The following TBC1D5 variants were observed in gnomAD, a reference collection of about 807,000 sequenced individuals.
TBC1D5 encodes the protein TBC1 domain family, member 5.
In TBC1D5, 75 loss-of-function variants were observed where a neutral mutation model predicts 100.3. That is an observed-to-expected ratio of 0.75 (90% CI 0.62 to 0.91). The LOEUF (loss-of-function observed/expected upper bound fraction) is 0.91. TBC1D5 is among the 40% of genes least tolerant of loss of function. The pLI is 0.00. For missense variants in TBC1D5, 910 were observed against 942.4 expected (o/e 0.97, Z 0.45); for synonymous variants, 323 against 325.6 (o/e 0.99, Z 0.09).
intron 15 of TBC1D5, among the ~76,000 whole-genome samples, chr3:17,290,683 G>A (rs180855110): frequency 6.6e-6 from 1 of 152,134 alleles, no homozygotes; most frequent in East Asian, 1.9e-4. Flanking sequence ...GGTGTAGGGA[G>A]TATATAGTCA....
At chr3:17,352,589 T>C (rs975080863) in intron 13 of TBC1D5, among the ~76,000 whole-genome samples, 3 of 145,500 alleles carry the variant, frequency 2.1e-5, no homozygotes, top group African/African-American at 7.6e-5. Flanking sequence ...AAATGTGTCA[T>C]AAATCAACTT....
At chr3:17,590,651 G>A (rs549544549) in intron 2 of TBC1D5, among the ~76,000 whole-genome samples, 24 of 152,238 alleles carry the variant, frequency 1.6e-4, no homozygotes, top group South Asian at 1.2e-3. Flanking sequence ...AGTGGGAACC[G>A]CAGTCACTCA....
At chr3:17,333,895 T>C (rs1369603836) in intron 13 of TBC1D5, among the ~76,000 whole-genome samples, 1 of 150,788 alleles carries the variant, frequency 6.6e-6, no homozygotes, top group Non-Finnish European at 1.5e-5. Context: ...CAAGCATGAG[T>C]AGGGTTTGGG....
intron 13 of TBC1D5, among the ~76,000 whole-genome samples, chr3:17,332,241 T>C (rs1228215272): frequency 2.6e-5 from 4 of 152,146 alleles, no homozygotes; most frequent in African/African-American, 9.7e-5. Context: ...GATTTGTTAA[T>C]TTACAGGAGA....
chr3:17,338,747 T>G (rs1378557194), intron 13 of TBC1D5, among the ~76,000 whole-genome samples: 1 of 152,238 alleles, frequency 6.6e-6, no homozygotes, highest in Non-Finnish European at 1.5e-5. Flanking sequence ...TGAAACAAAT[T>G]ATGCACATAC....
chr3:17,288,483 C>T (rs1410046459), intron 15 of TBC1D5, among the ~76,000 whole-genome samples: 3 of 152,038 alleles, frequency 2.0e-5, no homozygotes, highest in African/African-American at 4.8e-5. Context: ...TCTGATTGAT[C>T]CCCACCCTTC....
chr3:17,219,784 C>T (rs1323601533), intron 17 of TBC1D5, among the ~76,000 whole-genome samples: 1 of 152,040 alleles, frequency 6.6e-6, no homozygotes, highest in Non-Finnish European at 1.5e-5. Context: ...TGCCATAAAA[C>T]TCGCTCTTCT....
intron 15 of TBC1D5, among the ~76,000 whole-genome samples, chr3:17,285,303 C>T (rs536798605): frequency 7.3e-6 from 1 of 137,592 alleles, no homozygotes; most frequent in South Asian, 2.4e-4. Context: ...CTCTGTCGCC[C>T]AGGCTGGAGT....
chr3:17,366,547 A>T (rs1054320856), intron 13 of TBC1D5, among the ~76,000 whole-genome samples: 4 of 152,182 alleles, frequency 2.6e-5, no homozygotes, highest in Admixed American at 6.5e-5. Flanking sequence ...CTATCATTGG[A>T]TCGTCACTTT....
intron 17 of TBC1D5, among the ~76,000 whole-genome samples, chr3:17,227,558 T>C (rs969888132): frequency 9.2e-5 from 14 of 152,058 alleles, no homozygotes; most frequent in African/African-American, 3.4e-4. Context: ...GGAACATAGA[T>C]GGAGCTGGGG....
intron 16 of TBC1D5, among the ~76,000 whole-genome samples, chr3:17,255,894 G>A (rs1212568998): frequency 6.6e-6 from 1 of 152,138 alleles, no homozygotes; most frequent in African/African-American, 2.4e-5. Flanking sequence ...AAATTAGCCA[G>A]GCGTGGCAGC....
intron 1 of TBC1D5, chr3:17,665,000 T>C (rs1264560735): frequency 7.1e-6 from 1 of 141,504 alleles, no homozygotes; most frequent in East Asian, 2.1e-4. Flanking sequence ...TCTACCAGGC[T>C]TTCTGGTTTT....
At chr3:17,709,496 T>C (rs1560526682) in intron 1 of TBC1D5, among the ~76,000 whole-genome samples, 1 of 152,232 alleles carries the variant, frequency 6.6e-6, no homozygotes, top group Non-Finnish European at 1.5e-5. Context: ...CAATTCCTGC[T>C]TATCAGTTCT....
chr3:17,407,776 A>G (rs942548746), intron 4 of TBC1D5, among the ~76,000 whole-genome samples: 2 of 152,138 alleles, frequency 1.3e-5, no homozygotes, highest in African/African-American at 4.8e-5. Context: ...CTCAAACACA[A>G]CAAGCCTTCT....
intron 18 of TBC1D5, among the ~76,000 whole-genome samples, chr3:17,188,429 CCTT>C (rs1032695709): frequency 6.6e-5 from 10 of 152,218 alleles, no homozygotes; most frequent in African/African-American, 2.4e-4. Context: ...ATCAGATAAA[CCTT>C]CTTTTTCAAA....
chr3:17,340,536 C>T (rs536299203), intron 13 of TBC1D5: 1 of 152,258 alleles, frequency 6.6e-6, no homozygotes, highest in African/African-American at 2.4e-5. Flanking sequence ...TATATCAATA[C>T]CTGATTTAGA....
rs114063604 is a variant in TBC1D5 at position 17,491,389 on chromosome 3, G to C, written c.97+17085C>G. On this transcript the variant is annotated intron_variant, in intron 3 of 21. Coordinates refer to ENST00000253692, the Ensembl canonical transcript of TBC1D5. ...AGAGAGGGTGTTCTTATCTTGTGCC[G>C]GTTTTCAAAGGGAATGTTTCCAGCT... Among the ~76,000 whole-genome samples the C allele has an allele frequency of 1.0e-3, 155 of 152,192 alleles. 2 individuals carry two copies. In the South Asian group the frequency reaches 0.019, roughly 18 times the overall value.
chr3:17,159,962 G>A (rs2065895427), exon 22 of TBC1D5: 1 of 152,222 alleles, frequency 6.6e-6, no homozygotes, highest in Non-Finnish European at 1.5e-5. Flanking sequence ...TTCTGACTTT[G>A]GGTGGGAATG....
chr3:17,581,903 C>A (rs770777373), intron 2 of TBC1D5, among the ~76,000 whole-genome samples: 6 of 152,184 alleles, frequency 3.9e-5, no homozygotes, highest in Non-Finnish European at 7.3e-5. Flanking sequence ...TCTGTGAATG[C>A]ATCATAAATA....
Sources: allele counts gnomAD v4.1 joint callset (sites outside exome capture counted in the v4.1 genomes callset), GRCh38; gene constraint gnomAD v4.1.1; transcripts MANE v1.5; gene names NCBI Gene and HGNC (gene_info 2026-07-23, HGNC 2026-07-21).